The following RYR3 variants were observed in gnomAD, a reference collection of about 807,000 sequenced individuals.
The protein encoded by RYR3 is brain ryanodine receptor-calcium release channel.
A neutral mutation model predicts 584.3 loss-of-function variants in RYR3; 207 were observed. The ratio of observed to expected loss-of-function variants is 0.35; its 90% CI spans 0.32 to 0.40. RYR3 has a LOEUF of 0.40. RYR3 is among the 10% of genes least tolerant of loss of function. The pLI is 1.00. For missense variants in RYR3, 5,616 were observed against 6,089.2 expected, an observed-to-expected ratio of 0.92 and a Z score of 2.59; for synonymous variants, 2,416 against 2,248.5, an observed-to-expected ratio of 1.07 and a Z score of -2.11.
In RYR3 at chr15:33,727,790, T is replaced by C. The variant is rs551579943; in HGVS notation, c.7034-1067T>C. 1.2e-4 allele frequency among the ~76,000 whole-genome samples: 18 copies of C among 152,342 alleles called. No homozygotes were observed. In the South Asian group the frequency reaches 3.5e-3, roughly 30 times the overall value. ...TCCGGTACAGTATTTAAATATGCTG[T>C]GGCTATAGCGTGCTCATTTGGGGGT... On this transcript the variant is annotated intron_variant, in intron 46 of 103. Coordinates refer to ENST00000634891, the MANE Select transcript of RYR3 (RefSeq NM_001036.6).
chr15:33,325,526 G>C (rs183489256), intron 1 of RYR3, among the ~76,000 whole-genome samples: 1 of 152,092 alleles, frequency 6.6e-6, no homozygotes, highest in East Asian at 1.9e-4. Context: ...TCTTCCTTTA[G>C]AATCTACAGC....
At chr15:33,458,845 C>T (rs2047782834) in intron 1 of RYR3, among the ~76,000 whole-genome samples, 1 of 152,180 alleles carries the variant, frequency 6.6e-6, no homozygotes, top group East Asian at 1.9e-4. Context: ...CTGGGGTCAA[C>T]AATGGCCTAG....
chr15:33,446,337 G>C (rs965853732), intron 1 of RYR3, among the ~76,000 whole-genome samples: 2 of 152,170 alleles, frequency 1.3e-5, no homozygotes, highest in Non-Finnish European at 2.9e-5. Flanking sequence ...CTTTACATGG[G>C]TGAAAGTTGG....
intron 102 of RYR3, among the ~76,000 whole-genome samples, chr15:33,861,559 C>T (rs929941002): frequency 6.6e-6 from 1 of 151,896 alleles, no homozygotes; most frequent in African/African-American, 2.4e-5. Context: ...TTCTTTTTCC[C>T]TTTCAGCACA....
intron 1 of RYR3, among the ~76,000 whole-genome samples, chr15:33,389,592 A>C (rs1026596009): frequency 2.0e-5 from 3 of 152,242 alleles, no homozygotes; most frequent in African/African-American, 7.2e-5. Context: ...TACCGCAGCA[A>C]GTAATGTAAT....
intron 69 of RYR3, among the ~76,000 whole-genome samples, chr15:33,806,801 T>G (rs965139748): frequency 1.3e-5 from 2 of 151,882 alleles, no homozygotes; most frequent in African/African-American, 4.8e-5. Context: ...TTGCCCAGTC[T>G]GGAGTGCACT....
chr15:33,586,463 G>A (rs2058851652), intron 16 of RYR3, among the ~76,000 whole-genome samples: 1 of 152,160 alleles, frequency 6.6e-6, no homozygotes, highest in Admixed American at 6.5e-5. Context: ...TAGTGAAACA[G>A]CTTATAACAA....
intron 7 of RYR3, among the ~76,000 whole-genome samples, chr15:33,541,732 T>C (rs975049265): frequency 6.6e-6 from 1 of 152,174 alleles, no homozygotes; most frequent in Admixed American, 6.6e-5. Context: ...GATACCCCAG[T>C]TTCAGAATGC....
At chr15:33,602,983 C>T (rs1475041404) in intron 17 of RYR3, 140 bp from the exon 18 acceptor site, 2 of 869,654 alleles carry the variant, frequency 2.3e-6, no homozygotes, top group African/African-American at 3.4e-5. Context: ...GAGATCCCTC[C>T]CATCTTTTGA....
intron 60 of RYR3, among the ~76,000 whole-genome samples, chr15:33,764,490 T>C (rs1389482918): frequency 2.0e-5 from 3 of 151,626 alleles, no homozygotes; most frequent in African/African-American, 7.3e-5. Context: ...GACAGGTTGA[T>C]GGGTGCAGCA....
chr15:33,469,775 G>A (rs1202556635), intron 1 of RYR3, among the ~76,000 whole-genome samples: 2 of 152,084 alleles, frequency 1.3e-5, no homozygotes, highest in East Asian at 3.9e-4. Flanking sequence ...AAGTAAAGCA[G>A]GAAGCCTGAA....
chr15:33,640,187 T>C (rs1020426470), intron 27 of RYR3, among the ~76,000 whole-genome samples: 3 of 152,208 alleles, frequency 2.0e-5, no homozygotes, highest in African/African-American at 7.2e-5. Context: ...ATGAAACTTA[T>C]CTGCAGGAAG....
Position 33,748,503 on chromosome 15 carries a change from A to G in RYR3, c.8172A>G (p.Ser2724=). The G allele has an allele frequency of 6.2e-7, 1 of 1,613,140 alleles. No homozygotes were observed. Among genetic ancestry groups the G allele is most frequent in the Non-Finnish European group, 8.5e-7 (1 of 1,179,534 alleles). Residue 2724 remains serine (S), a synonymous_variant, in exon 55 of 104, where the codon TCA becomes TCG. Coordinates refer to ENST00000634891, the MANE Select transcript of RYR3 (RefSeq NM_001036.6). ...ACAGTCCTGCTCCCCTCGACCTCTC[A>G]AACGTTGTGCTCTCCAGAGAGCTCC... ...NSYSPAPLDL[S]NVVLSRELQG...
Position 33,624,026 on chromosome 15 carries a change from A to C in RYR3, c.2574+3A>C, listed in dbSNP as rs182429820. ...CATGCCCCGTAGACACCAGTCAGGT[A>C]GGTTCAAATTGCCCGCAGAAGGCAA... On this transcript the variant is annotated splice_donor_region_variant and intron_variant, in intron 20 of 103. Transcript: ENST00000634891. 897 of 1,610,488 alleles carry C rather than the reference A, an allele frequency of 5.6e-4. 3 individuals are homozygous for C. The East Asian group carries it at 0.012, about 22-fold the overall frequency.
At chr15:33,827,094 T>A (rs2077415820) in intron 84 of RYR3, 105 bp from the exon 85 acceptor site, 1 of 961,408 alleles carries the variant, frequency 1.0e-6, no homozygotes, top group Admixed American at 2.0e-5. Flanking sequence ...GGTATTCTTG[T>A]AAGCCTTTTC....
At chr15:33,623,774 A>T in intron 19 of RYR3, 33 bp from the exon 20 acceptor site, 1 of 1,390,318 alleles carries the variant, frequency 7.2e-7, no homozygotes, top group Non-Finnish European at 1.0e-6. Flanking sequence ...TTTTTTTTTT[A>T]ACCTCTGTAT....
chr15:33,749,777 AT>A (rs769131136), intron 55 of RYR3, among the ~76,000 whole-genome samples: 26 of 152,204 alleles, frequency 1.7e-4, no homozygotes, highest in Admixed American at 2.0e-4. Context: ...AGAGTTAGAA[AT>A]TGTTTTCTAT....
intron 49 of RYR3, 149 bp from the exon 50 acceptor site, chr15:33,738,301 T>G (rs140902108): frequency 1.6e-5 from 12 of 742,546 alleles, no homozygotes; most frequent in Non-Finnish European, 2.6e-5. Context: ...CAGCGGTGTT[T>G]GAAGGGCCTC....
chr15:33,755,993 C>T (rs1050988919), intron 58 of RYR3, among the ~76,000 whole-genome samples: 1 of 152,090 alleles, frequency 6.6e-6, no homozygotes, highest in Non-Finnish European at 1.5e-5. Flanking sequence ...AGGCTGGTGT[C>T]GAACTCCTGA....
Sources: allele counts gnomAD v4.1 joint callset (sites outside exome capture counted in the v4.1 genomes callset), GRCh38; gene constraint gnomAD v4.1.1; transcripts MANE v1.5; gene names NCBI Gene and HGNC (gene_info 2026-07-23, HGNC 2026-07-21).